The following CACNA1C variants were observed in gnomAD, a reference collection of about 807,000 sequenced individuals.
The protein encoded by CACNA1C is calcium voltage-gated channel subunit alpha1 C.
CACNA1C carries 30 observed loss-of-function variants against 229.0 expected under a neutral mutation model. That is an observed-to-expected ratio of 0.13 (90% CI 0.10 to 0.18). The LOEUF is 0.18. Among genes scored for constraint, CACNA1C ranks in the 10% least tolerant of loss-of-function variants. The probability of loss-of-function intolerance (pLI) is 1.00; values close to 1 mark genes in which losing one functional copy is unlikely to be tolerated. For synonymous variants in CACNA1C, 1,114 were observed against 1,132.5 expected, an observed-to-expected ratio of 0.98 and a Z score of 0.33; for missense variants, 1,658 against 2,845.0, an observed-to-expected ratio of 0.58 and a Z score of 9.49.
intron 3 of CACNA1C, among the ~76,000 whole-genome samples, chr12:2,350,633 G>A (rs1247627365): frequency 6.6e-6 from 1 of 152,240 alleles, no homozygotes; most frequent in African/African-American, 2.4e-5. Context: ...CCGAATGCCT[G>A]GATGATGAAT....
rs778658338 is a variant in CACNA1C, at chr12:2,688,482, G to C, written c.5820G>C (p.Gln1940His). ...LAVAGLSPLL[Q>H]RSHSPASFPR... ...TGGCAGGCCTGAGCCCCCTCCTCCA[G>C]AGAAGCCATTCCCCTGCCTCATTCC... The change falls in exon 46 of 47, where the codon CAG (glutamine) becomes CAC (histidine). Residue 1940 changes from glutamine to histidine, a missense_variant. Physicochemically the swap from Gln to His is conservative, Grantham distance 24 (BLOSUM62 0). Around this residue, in one of 20 missense-constraint regions of CACNA1C, gnomAD observed 590 missense variants for 700.8 expected, o/e 0.84. Coordinates refer to ENST00000399655, the MANE Select transcript of CACNA1C (RefSeq NM_000719.7). 5 of 1,613,602 alleles carry C rather than the reference G, an allele frequency of 3.1e-6. No individual in the cohort carries two copies. In the African/African-American group the frequency reaches 6.7e-5, roughly 22 times the overall value.
intron 6 of CACNA1C, among the ~76,000 whole-genome samples, chr12:2,492,853 A>T (rs1208101214): frequency 6.6e-6 from 1 of 152,208 alleles, no homozygotes; most frequent in African/African-American, 2.4e-5. Flanking sequence ...TGGCATCATC[A>T]TTATTTTTTG....
chr12:2,349,210 G>A (rs2097136235), intron 3 of CACNA1C, among the ~76,000 whole-genome samples: 1 of 152,166 alleles, frequency 6.6e-6, no homozygotes, highest in Admixed American at 6.5e-5. Flanking sequence ...CGTCAGAAGG[G>A]TAGAATACAA....
rs777121803 is a variant in CACNA1C at position 2,004,352 on chromosome 12, T to C, written c.139+33151T>C. ...GGCCACGTCCACGATGCGGTTGATATAGGGGTCGTGGCGCTGCAGGGCCGC... is the reference window on the plus strand; with the variant it reads ...GGCCACGTCCACGATGCGGTTGATACAGGGGTCGTGGCGCTGCAGGGCCGC... On this transcript the variant is annotated intron_variant, in intron 1 of 46. Coordinates refer to the CACNA1C transcript ENST00000682462. The C allele has an allele frequency of 1.8e-5, 29 of 1,613,216 alleles. No homozygotes were observed. Among genetic ancestry groups the C allele is most frequent in the Non-Finnish European group, 2.2e-5 (26 of 1,179,948 alleles).
At chr12:2,111,746 A>G (rs2081851505) in intron 1 of CACNA1C, among the ~76,000 whole-genome samples, 2 of 152,136 alleles carry the variant, frequency 1.3e-5, no homozygotes, top group African/African-American at 4.8e-5. Flanking sequence ...AAAATTATAT[A>G]CCACAGATTG....
At chr12:2,367,901 C>T (rs529193555) in intron 3 of CACNA1C, among the ~76,000 whole-genome samples, 1 of 151,930 alleles carries the variant, frequency 6.6e-6, no homozygotes, top group Admixed American at 6.5e-5. Flanking sequence ...ATAAAATTAG[C>T]ATTATCTTGA....
chr12:2,156,954 A>G (rs960202845), intron 3 of CACNA1C, among the ~76,000 whole-genome samples: 2 of 152,214 alleles, frequency 1.3e-5, no homozygotes, highest in Non-Finnish European at 2.9e-5. Context: ...CAGACTTTGC[A>G]TGTACTGTAT....
At chr12:2,477,179 A>C (rs1312570656) in intron 5 of CACNA1C, among the ~76,000 whole-genome samples, 3 of 152,224 alleles carry the variant, frequency 2.0e-5, no homozygotes, top group Non-Finnish European at 4.4e-5. Flanking sequence ...AACATGATTC[A>C]TGGAGATCAG....
chr12:1,987,393 G>A (rs542450479), intron 1 of CACNA1C, among the ~76,000 whole-genome samples: 1 of 152,110 alleles, frequency 6.6e-6, no homozygotes, highest in Admixed American at 6.5e-5. Context: ...TTTTATGAGA[G>A]AATGTATTTT....
intron 1 of CACNA1C, among the ~76,000 whole-genome samples, chr12:2,059,761 G>C (rs567443870): frequency 1.5e-4 from 23 of 152,240 alleles, no homozygotes; most frequent in Admixed American, 1.5e-3. Flanking sequence ...AGAAAACAGA[G>C]GCCCCTAAAG....
At chr12:2,284,804 G>T (rs1203807992) in intron 3 of CACNA1C, among the ~76,000 whole-genome samples, 1 of 152,212 alleles carries the variant, frequency 6.6e-6, no homozygotes, top group African/African-American at 2.4e-5. Context: ...GTGTGAGTCT[G>T]CAGGGAAGGG....
At chr12:2,128,419 C>A (rs1201797059) in intron 3 of CACNA1C, among the ~76,000 whole-genome samples, 1 of 151,772 alleles carries the variant, frequency 6.6e-6, no homozygotes, top group East Asian at 1.9e-4. Context: ...TATTTTTTTA[C>A]CTTTTTTTTG....
intron 11 of CACNA1C, among the ~76,000 whole-genome samples, chr12:2,563,536 GCTC>G (rs905536077): frequency 6.6e-6 from 1 of 152,110 alleles, no homozygotes; most frequent in South Asian, 2.1e-4. Context: ...TCCCCTCCCT[GCTC>G]CTCAAGCCAA....
At position 2,682,137 on chromosome 12, in the gene CACNA1C, C is replaced by G. The variant is rs1334095512; in HGVS notation, c.5445-413C>G. The G allele has an allele frequency of 3.8e-6, 3 of 796,914 alleles. No homozygotes were observed. In the East Asian group the frequency reaches 7.4e-5, roughly 20 times the overall value. The allele number at this position is 796,914 out of a possible 1,614,324, so 49.4% of individuals were successfully genotyped here. On this transcript the variant is annotated intron_variant, in intron 42 of 46. Coordinates refer to ENST00000399655, the MANE Select transcript of CACNA1C (RefSeq NM_000719.7). Reference sequence around the variant, plus strand: ...CATCAAAATAAGAGGCCAAGGACTTCTCAGCTATGCCAAATGCCAAAGACC... The same window carrying G: ...CATCAAAATAAGAGGCCAAGGACTTGTCAGCTATGCCAAATGCCAAAGACC...
intron 3 of CACNA1C, among the ~76,000 whole-genome samples, chr12:2,267,914 G>A (rs1012775538): frequency 3.3e-5 from 5 of 152,208 alleles, no homozygotes; most frequent in African/African-American, 9.7e-5. Flanking sequence ...CGGAGCACCC[G>A]CCAAACATCT....
At chr12:2,221,181 A>C (rs2061375565) in intron 3 of CACNA1C, among the ~76,000 whole-genome samples, 1 of 152,188 alleles carries the variant, frequency 6.6e-6, no homozygotes, top group African/African-American at 2.4e-5. Flanking sequence ...GCACACAGTG[A>C]ATGACCAGGC....
intron 3 of CACNA1C, among the ~76,000 whole-genome samples, chr12:2,209,071 G>A (rs2097844633): frequency 6.6e-6 from 1 of 152,200 alleles, no homozygotes; most frequent in Non-Finnish European, 1.5e-5. Context: ...CATGCTGATG[G>A]TGGTGTTTGT....
chr12:2,051,510 G>A (rs1252831751), upstream of CACNA1C, among the ~76,000 whole-genome samples: 3 of 152,184 alleles, frequency 2.0e-5, no homozygotes, highest in East Asian at 5.8e-4. Flanking sequence ...AGGGGAGAGG[G>A]AAGGTAGACC....
chr12:2,224,796 G>A (rs142520477), intron 3 of CACNA1C, among the ~76,000 whole-genome samples: 8 of 152,296 alleles, frequency 5.3e-5, no homozygotes, highest in African/African-American at 9.6e-5. Flanking sequence ...AAGTACTACT[G>A]TGCTATTGCC....
Sources: gnomAD v4.1 joint callset for allele counts (sites outside exome capture counted in the v4.1 genomes callset) on GRCh38, gnomAD v4.1.1 for gene constraint, gnomAD v4.1.1 regional missense constraint, MANE v1.5 for transcripts, NCBI Gene and HGNC (gene_info 2026-07-23, HGNC 2026-07-21) for gene names.